FAT1: variants seen among roughly 807,000 people sequenced by gnomAD.
FAT1 encodes FAT atypical cadherin 1, also known as protocadherin Fat 1.
Under a neutral mutation model 329.8 loss-of-function variants are expected in FAT1, and 171 were observed. The observed-to-expected ratio is 0.52, with a 90% CI of 0.46 to 0.59. FAT1 has a LOEUF of 0.59. Among genes scored for constraint, FAT1 ranks in the 20% least tolerant of loss-of-function variants. FAT1 has a pLI of 0.00. For synonymous variants in FAT1, 2,233 were observed against 2,228.6 expected, an observed-to-expected ratio of 1.00 and a Z score of -0.06; for missense variants, 5,672 against 5,774.4, an observed-to-expected ratio of 0.98 and a Z score of 0.57.
Position 186,660,323 on chromosome 4 carries a change from T to G in FAT1, c.3580+2976A>C, listed in dbSNP as rs557071650. 2.6e-5 allele frequency among the ~76,000 whole-genome samples: 4 copies of G among 152,278 alleles called. No homozygotes were observed. In the South Asian group the frequency reaches 8.3e-4, roughly 32 times the overall value. ...ATCACACCCCAACTTTCTGCTGAGG[T>G]GGGGGAAGAGAAGCATCTAGAAACA... On this transcript the variant is annotated intron_variant, in intron 3 of 26. Transcript: ENST00000441802.
chr4:186,669,433 AC>A (rs1261423467), intron 2 of FAT1, among the ~76,000 whole-genome samples: 2 of 152,238 alleles, frequency 1.3e-5, no homozygotes. Flanking sequence ...TACGTGTGCC[AC>A]TCAGCAGTGC....
chr4:186,637,541 C>T (rs752941467), intron 4 of FAT1, among the ~76,000 whole-genome samples: 1 of 152,102 alleles, frequency 6.6e-6, no homozygotes, highest in Non-Finnish European at 1.5e-5. Context: ...ATAAGATTTT[C>T]GGTAAAATAA....
At chr4:186,590,485 G>C in intron 26 of FAT1, 5 of 989,130 alleles carry the variant, frequency 5.1e-6, no homozygotes, top group South Asian at 1.3e-5. Context: ...TAAGTACACA[G>C]AACAATGAAA....
chr4:186,631,050 T>G (rs1740559726), intron 7 of FAT1, among the ~76,000 whole-genome samples: 1 of 152,190 alleles, frequency 6.6e-6, no homozygotes, highest in Admixed American at 6.5e-5. Context: ...CCCACTGTCC[T>G]GCCGCCTACC....
chr4:186,707,882 T>A lies in FAT1; in HGVS notation c.1946A>T (p.Asp649Val), dbSNP rs752257104. The change falls in exon 2 of 27, where the codon GAT becomes GTT. Residue 649 changes from aspartate (D) to valine (V), a missense_variant. Asp to Val is a radical substitution (Grantham distance 152, BLOSUM62 -3). Around this residue, in one of 2 missense-constraint regions of FAT1, gnomAD observed 3,966 missense variants for 3,915.2 expected, o/e 1.01. Coordinates refer to ENST00000441802, the MANE Select transcript of FAT1 (RefSeq NM_005245.4). ...SFHSLRITAT[D>V]GENFATPLYI... ...TAATGGTGTGGCAAAATTTTCTCCA[T>A]CTGTAGCTGTGATTCTCAGACTGTG... 5.0e-6 allele frequency: 8 copies of A among 1,613,832 alleles called. No individual in the cohort carries two copies. The South Asian group carries it at 7.7e-5, about 16-fold the overall frequency.
chr4:186,637,068 G>T (rs905807051), intron 4 of FAT1, among the ~76,000 whole-genome samples, 154 bp from the exon 5 acceptor site: 23 of 152,260 alleles, frequency 1.5e-4, no homozygotes, highest in African/African-American at 5.1e-4. Context: ...CAACAACAGG[G>T]CTGTAAGGAG....
At chr4:186,726,262 C>T (rs960901299), upstream of FAT1, 5 of 152,268 alleles carry the variant, frequency 3.3e-5, no homozygotes, top group Non-Finnish European at 7.3e-5. Flanking sequence ...CACGCTTCCC[C>T]GCACTCGCTT....
At chr4:186,655,490 A>C (rs1357295231) in intron 3 of FAT1, among the ~76,000 whole-genome samples, 4 of 151,562 alleles carry the variant, frequency 2.6e-5, no homozygotes, top group Non-Finnish European at 1.5e-5. Flanking sequence ...GTTGGAGTGC[A>C]GTGGAGTGAT....
At chr4:186,649,127 T>C (rs913937087) in intron 3 of FAT1, among the ~76,000 whole-genome samples, 2 of 149,734 alleles carry the variant, frequency 1.3e-5, no homozygotes, top group African/African-American at 4.9e-5. Flanking sequence ...AACAAAGAAG[T>C]GGCCGGGAGA....
chr4:186,627,466 C>T (rs956290751), intron 9 of FAT1, among the ~76,000 whole-genome samples: 9 of 152,162 alleles, frequency 5.9e-5, no homozygotes, highest in African/African-American at 2.2e-4. Flanking sequence ...CTTGTTATCC[C>T]GACTCTGGAT....
At position 186,588,576 on chromosome 4, in the gene FAT1, T is replaced by C; in HGVS notation, c.*16A>G. ...CTAGGTTCACTAAAGTCAGGCACTT[T>C]GGGGGGAGTTGAGAGTCAGACTTCC... On this transcript the variant is annotated 3_prime_UTR_variant, in exon 27 of 27. Coordinates refer to ENST00000441802, the MANE Select transcript of FAT1 (RefSeq NM_005245.4). The C allele has an allele frequency of 1.3e-6, 2 of 1,599,152 alleles. No homozygotes were observed. The highest frequency in any genetic ancestry group is 1.1e-5 in the South Asian group (1 of 88,402).
chr4:186,663,535 C>T lies in FAT1; in HGVS notation c.3344G>A (p.Gly1115Asp), dbSNP rs1043333371. ...TATGAACGATGAAAGAGGCACGACA[C>T]CCTGATCGGTTGCAAAGACTGTTAG... ...YWLTVFATDQ[G>D]VVPLSSFIEI... Residue 1115 changes from glycine (G) to aspartate (D), a missense_variant, in exon 3 of 27, where the codon GGT (glycine) becomes GAT (aspartate). Physicochemically the swap from Gly to Asp is moderately conservative, Grantham distance 94. Transcript: ENST00000441802. The T allele has an allele frequency of 1.1e-5, 18 of 1,613,810 alleles. No homozygotes were observed. The highest frequency in any genetic ancestry group is 1.5e-5 in the Non-Finnish European group (18 of 1,179,892).
chr4:186,677,271 C>T (rs1045961711), intron 2 of FAT1, among the ~76,000 whole-genome samples: 1 of 152,148 alleles, frequency 6.6e-6, no homozygotes, highest in African/African-American at 2.4e-5. Flanking sequence ...TTAGGTCAAG[C>T]TAACCTAATC....
intron 13 of FAT1, 100 bp downstream of exon 13, chr4:186,613,009 G>C: frequency 1.4e-6 from 1 of 701,602 alleles, no homozygotes; most frequent in Non-Finnish European, 2.5e-6. Flanking sequence ...CATGCATGAG[G>C]TGGAGTGAGT....
chr4:186,709,661 G>T lies in FAT1; in HGVS notation c.167C>A (p.Pro56His), dbSNP rs2126705826. The T allele has an allele frequency of 6.2e-7, 1 of 1,613,972 alleles. No individual in the cohort carries two copies. The change falls in exon 2 of 27, where the codon CCT becomes CAT. Residue 56 changes from proline to histidine, a missense_variant. Around this residue, in one of 2 missense-constraint regions of FAT1, gnomAD observed 3,966 missense variants for 3,915.2 expected, o/e 1.01. Transcript: ENST00000441802. ...TGTAATGTAAACACCCATCTTGACA[G>T]GATGCCCCACATAAGTCTTAGCTGC... ...NSAAKTYVGH[P>H]VKMGVYITHP...
rs779756475 is a variant in FAT1, at chr4:186,628,715, T to A, written c.4372A>T (p.Thr1458Ser). 1 of 1,613,928 alleles carries A rather than the reference T, an allele frequency of 6.2e-7. No homozygotes were observed. The highest frequency in any genetic ancestry group is 1.3e-5 in the African/African-American group (1 of 75,060). The change falls in exon 8 of 27, where the codon ACA becomes TCA. Residue 1458 changes from threonine (T) to serine (S), a missense_variant. Transcript: ENST00000441802. ...DTNDHRPQFS[T>S]SKYEVVIPED... ...GGAATAACAACTTCATACTTTGATG[T>A]AGAAAACTGAGGACGATGGTCATTT... is the stretch of plus-strand genomic sequence containing the variant.
chr4:186,628,608 C>T lies in FAT1; in HGVS notation c.4479G>A (p.Leu1493=), dbSNP rs1359431467. ...QDEKNKLIYT[L]QSSRDPLSLK... is the part of the protein sequence containing the mutation. ...GACTCAGTGGATCTCTACTGCTCTG[C>T]AGAGTGTAGATTAGTTTGTTTTTCT... Residue 1493 remains leucine (L), a synonymous_variant, in exon 8 of 27, where the codon CTG becomes CTA. Coordinates refer to ENST00000441802, the MANE Select transcript of FAT1 (RefSeq NM_005245.4). 5.6e-6 allele frequency: 9 copies of T among 1,613,882 alleles called. No homozygotes were observed. In the Admixed American group the frequency reaches 8.3e-5, roughly 15 times the overall value.
chr4:186,720,575 C>T (rs781435279), intron 1 of FAT1, among the ~76,000 whole-genome samples: 2 of 152,200 alleles, frequency 1.3e-5, no homozygotes, highest in Non-Finnish European at 2.9e-5. Context: ...AATCCACCTG[C>T]CCCAGATCCC....
At chr4:186,601,629 G>T in intron 20 of FAT1, 1 of 437,342 alleles carries the variant, frequency 2.3e-6, no homozygotes, top group Non-Finnish European at 4.1e-6. Flanking sequence ...GAATAAATTT[G>T]ACGACTGCAT....
Sources: allele counts gnomAD v4.1 joint callset (sites outside exome capture counted in the v4.1 genomes callset), GRCh38; gene constraint gnomAD v4.1.1; regional missense constraint gnomAD v4.1.1; transcripts MANE v1.5; gene names NCBI Gene and HGNC (gene_info 2026-07-23, HGNC 2026-07-21).